SI: variants seen among roughly 807,000 people sequenced by gnomAD.
SI encodes the protein sucrase-isomaltase, intestinal.
Under a neutral mutation model 253.3 loss-of-function variants are expected in SI, and 235 were observed. That is an observed-to-expected ratio of 0.93 (90% CI 0.83 to 1.03). The LOEUF (loss-of-function observed/expected upper bound fraction) is 1.03, where lower values mean the gene tolerates loss of function less well. Ranked by LOEUF, SI falls within the 50% of genes least tolerant of loss-of-function variation. The pLI is 0.00. For synonymous variants in SI, 819 were observed against 712.0 expected (o/e 1.15, Z -2.39); for missense variants, 2,442 against 2,211.1 (o/e 1.10, Z -2.09).
rs576773147 is a variant in SI at position 165,039,058 on chromosome 3, A to C, written c.2301+20T>G. 7.9e-5 allele frequency: 118 copies of C among 1,500,360 alleles called. No homozygotes were observed. In the East Asian group the frequency reaches 2.6e-3, roughly 33 times the overall value. 92.9% of individuals were successfully genotyped at this position (1,500,360 alleles called of 1,614,324 possible). On this transcript the variant is annotated intron_variant, in intron 20 of 47. Coordinates refer to ENST00000264382, the MANE Select transcript of SI (RefSeq NM_001041.4). ...AAAATATAATACTTGTGAGTCCATT[A>C]GTATGTTAAGGTTACTTACAGATTC...
rs1713847555 is a variant in SI, at chr3:165,059,025, T to A, written c.1336A>T (p.Arg446Trp). 1 of 1,612,412 alleles carries A rather than the reference T, an allele frequency of 6.2e-7. No individual in the cohort carries two copies. Among genetic ancestry groups the A allele is most frequent in the Non-Finnish European group, 8.5e-7 (1 of 1,179,040 alleles). Residue 446 changes from arginine (R) to tryptophan (W), a missense_variant, in exon 12 of 48, where the codon AGG (arginine) becomes TGG (tryptophan). By Grantham distance (101) the Arg-to-Trp change is moderately radical (BLOSUM62 -3). Transcript: ENST00000264382. Reference sequence around the variant, plus strand: ...ATCCACACATGTTGTGTGTTTCCCCTCTCATAGGTTGCATATGTTGTTCCA... The same window carrying A: ...ATCCACACATGTTGTGTGTTTCCCCACTCATAGGTTGCATATGTTGTTCCA... Reference protein sequence around the residue: ...ANGTTYATYERGNTQHVWINE... With the variant: ...ANGTTYATYEWGNTQHVWINE...
chr3:165,003,642 T>A (rs973810656), intron 37 of SI, among the ~76,000 whole-genome samples: 3 of 152,096 alleles, frequency 2.0e-5, no homozygotes, highest in African/African-American at 7.2e-5. Context: ...TATTCTTTTA[T>A]CAACTTCAGC....
intron 38 of SI, 125 bp downstream of exon 38, chr3:164,998,415 T>G: frequency 1.0e-6 from 1 of 955,180 alleles, no homozygotes; most frequent in South Asian, 1.3e-5. Context: ...TGATGCTATA[T>G]GACATAAAGT....
intron 8 of SI, 43 bp from the exon 9 acceptor site, chr3:165,062,526 G>C (rs759644930): frequency 1.2e-5 from 12 of 973,998 alleles, no homozygotes; most frequent in Non-Finnish European, 1.8e-5. Flanking sequence ...ATAGTGAAAA[G>C]GATTATAGTA....
chr3:165,035,939 T>C (rs531001684), intron 22 of SI, among the ~76,000 whole-genome samples: 1 of 151,850 alleles, frequency 6.6e-6, no homozygotes, highest in East Asian at 1.9e-4. Flanking sequence ...GGAAAATAAA[T>C]TGTAAACAAT....
chr3:165,029,881 C>A (rs1712144331), intron 25 of SI, among the ~76,000 whole-genome samples: 1 of 150,252 alleles, frequency 6.7e-6, no homozygotes, highest in African/African-American at 2.4e-5. Context: ...AGAATCTTTT[C>A]TTCTCCTTAC....
intron 25 of SI, among the ~76,000 whole-genome samples, chr3:165,030,411 A>T (rs1393304157): frequency 1.3e-5 from 2 of 150,986 alleles, no homozygotes; most frequent in Non-Finnish European, 3.0e-5. Context: ...GCTACAGTCA[A>T]CACCAAGTAG....
At chr3:165,036,270 A>G in intron 22 of SI, 119 bp downstream of exon 22, 1 of 709,430 alleles carries the variant, frequency 1.4e-6, no homozygotes. Context: ...CAGATAAAAA[A>G]CATTAGGAAT....
At chr3:165,052,484 C>T (rs963663815) in intron 13 of SI, among the ~76,000 whole-genome samples, 11 of 152,160 alleles carry the variant, frequency 7.2e-5, no homozygotes, top group Non-Finnish European at 1.3e-4. Flanking sequence ...GGCAAAACCC[C>T]GTCTCTACTA....
chr3:165,025,921 T>A (rs1711889362), intron 25 of SI, among the ~76,000 whole-genome samples: 1 of 149,344 alleles, frequency 6.7e-6, no homozygotes, highest in South Asian at 2.1e-4. Flanking sequence ...CTATAAAACA[T>A]AATAAAAAAA....
intron 45 of SI, among the ~76,000 whole-genome samples, chr3:164,985,868 G>T (rs541431354): frequency 2.6e-5 from 4 of 151,988 alleles, no homozygotes; most frequent in Non-Finnish European, 4.4e-5. Context: ...CCTATAATCT[G>T]CATTCTTAGC....
At chr3:165,083,853 TA>T in the SI span, among the ~76,000 whole-genome samples, 1 of 151,978 alleles carries the variant, frequency 6.6e-6, no homozygotes, top group South Asian at 2.1e-4. Context: ...ACAAAAACCT[TA>T]AAAGGATTAT....
intron 47 of SI, among the ~76,000 whole-genome samples, chr3:164,980,496 A>G (rs976167842): frequency 7.2e-5 from 11 of 152,100 alleles, no homozygotes; most frequent in Admixed American, 5.9e-4. Flanking sequence ...GTGGAGAAAG[A>G]AATTGACCAT....
chr3:165,059,566 AC>A (rs926278467), intron 10 of SI, among the ~76,000 whole-genome samples: 2 of 152,118 alleles, frequency 1.3e-5, no homozygotes, highest in Admixed American at 6.6e-5. Flanking sequence ...ATTTCAACAT[AC>A]AAAAATCAAA....
intron 33 of SI, among the ~76,000 whole-genome samples, chr3:165,014,716 C>T (rs928609373): frequency 2.0e-5 from 3 of 151,968 alleles, no homozygotes; most frequent in Admixed American, 1.3e-4. Flanking sequence ...GTGAATTATA[C>T]TTCATGATCT....
intron 25 of SI, among the ~76,000 whole-genome samples, chr3:165,028,880 G>A (rs1559996640): frequency 6.6e-6 from 1 of 150,852 alleles, no homozygotes; most frequent in Non-Finnish European, 1.5e-5. Context: ...AGGATTTGAT[G>A]ACCAAAAACA....
chr3:165,081,269 T>A (rs1359806706), upstream of SI, among the ~76,000 whole-genome samples: 1 of 152,014 alleles, frequency 6.6e-6, no homozygotes, highest in Non-Finnish European at 1.5e-5. Flanking sequence ...GTCCAAAAAC[T>A]TTAAAACTTC....
intron 6 of SI, among the ~76,000 whole-genome samples, chr3:165,065,755 G>T (rs1300416822): frequency 6.6e-6 from 1 of 151,252 alleles, no homozygotes; most frequent in Non-Finnish European, 1.5e-5. Flanking sequence ...TGTTTTTAGG[G>T]ATCACAAACT....
intron 16 of SI, among the ~76,000 whole-genome samples, chr3:165,045,671 C>T (rs191601844): frequency 2.6e-5 from 4 of 151,768 alleles, no homozygotes; most frequent in Middle Eastern, 3.4e-3. Context: ...CACTGTTCAG[C>T]GTTTCTTTCT....
Sources: allele counts gnomAD v4.1 joint callset (sites outside exome capture counted in the v4.1 genomes callset), GRCh38; gene constraint gnomAD v4.1.1; transcripts MANE v1.5; gene names NCBI Gene and HGNC (gene_info 2026-07-23, HGNC 2026-07-21).